PPP2R2B: variants seen among roughly 807,000 people sequenced by gnomAD.
The protein encoded by PPP2R2B is protein phosphatase 2 regulatory subunit Bbeta.
PPP2R2B carries 5 observed loss-of-function variants against 46.0 expected under a neutral mutation model. The ratio of observed to expected loss-of-function variants is 0.11; its 90% CI spans 0.06 to 0.23. PPP2R2B has a LOEUF of 0.23. Among genes scored for constraint, PPP2R2B ranks in the 10% least tolerant of loss-of-function variants. PPP2R2B has a pLI of 1.00. For synonymous variants in PPP2R2B, 215 were observed against 206.7 expected (o/e 1.04, Z -0.34); for missense variants, 367 against 575.0 (o/e 0.64, Z 3.70).
intron 2 of PPP2R2B, among the ~76,000 whole-genome samples, chr5:146,779,895 G>A (rs571744229): frequency 1.4e-4 from 21 of 152,254 alleles, no homozygotes; most frequent in African/African-American, 3.6e-4. Flanking sequence ...TGAAGCTGGG[G>A]ATGAAGGTGA....
At chr5:146,837,424 G>A (rs1759353167) in intron 2 of PPP2R2B, among the ~76,000 whole-genome samples, 1 of 152,208 alleles carries the variant, frequency 6.6e-6, no homozygotes. Context: ...CCTGTGGTAA[G>A]TTGAAGAGCA....
chr5:146,657,043 T>C (rs1295346565), intron 5 of PPP2R2B, among the ~76,000 whole-genome samples: 1 of 152,248 alleles, frequency 6.6e-6, no homozygotes, highest in African/African-American at 2.4e-5. Context: ...CCAGCGATTC[T>C]TCACAATCTT....
chr5:146,793,633 T>G (rs1006000757), intron 2 of PPP2R2B, among the ~76,000 whole-genome samples: 3 of 152,174 alleles, frequency 2.0e-5, no homozygotes, highest in African/African-American at 7.2e-5. Flanking sequence ...AAGACATAAA[T>G]AGCTGAGCTG....
At chr5:146,616,992 T>C (rs1407698803) in intron 7 of PPP2R2B, 1 of 152,252 alleles carries the variant, frequency 6.6e-6, no homozygotes, top group Non-Finnish European at 1.5e-5. Flanking sequence ...AACTGATGAA[T>C]GGATAAAGAA....
rs868792808 is a variant in PPP2R2B, at chr5:146,899,174, C to T, written c.79+156491G>A. 6.1e-5 allele frequency among the ~76,000 whole-genome samples: 9 copies of T among 146,822 alleles called. No individual in the cohort carries two copies. In the East Asian group the frequency reaches 6.2e-4, roughly 10 times the overall value. On this transcript the variant is annotated intron_variant, in intron 1 of 8. Transcript: ENST00000336640. ...ATGCTGCTATAAAGACACATGCACA[C>T]GTATGTTTATTGCAGCACTATTCAC...
chr5:146,822,655 C>T (rs1001550614), intron 2 of PPP2R2B, among the ~76,000 whole-genome samples: 1 of 150,582 alleles, frequency 6.6e-6, no homozygotes, highest in Non-Finnish European at 1.5e-5. Context: ...TACCATTTAT[C>T]AACATATAAA....
intron 1 of PPP2R2B, among the ~76,000 whole-genome samples, chr5:147,023,139 G>A (rs1240090688): frequency 3.9e-5 from 6 of 152,106 alleles, no homozygotes; most frequent in African/African-American, 1.2e-4. Flanking sequence ...TATATCATGT[G>A]TAGAAATAAT....
At chr5:146,738,459 G>A (rs556851433) in intron 2 of PPP2R2B, among the ~76,000 whole-genome samples, 25 of 150,988 alleles carry the variant, frequency 1.7e-4, no homozygotes, top group Non-Finnish European at 3.1e-4. Flanking sequence ...GACTTTAAAC[G>A]TCATCTTATT....
intron 2 of PPP2R2B, among the ~76,000 whole-genome samples, chr5:146,836,033 T>C (rs1170383388): frequency 1.3e-5 from 2 of 152,188 alleles, no homozygotes; most frequent in African/African-American, 4.8e-5. Flanking sequence ...TTGTTGGTGA[T>C]ATATATATGT....
intron 7 of PPP2R2B, among the ~76,000 whole-genome samples, chr5:146,604,543 T>G (rs1211617676): frequency 6.6e-6 from 1 of 152,128 alleles, no homozygotes; most frequent in East Asian, 1.9e-4. Context: ...AGAAACCTGA[T>G]AGCCCAGTCC....
intron 1 of PPP2R2B, among the ~76,000 whole-genome samples, chr5:147,041,703 G>A (rs1429937273): frequency 6.6e-6 from 1 of 152,074 alleles, no homozygotes; most frequent in Non-Finnish European, 1.5e-5. Context: ...CTTTAGGGGG[G>A]CTGTAAGTCC....
chr5:146,816,273 C>A (rs890844795), intron 2 of PPP2R2B, among the ~76,000 whole-genome samples: 15 of 152,092 alleles, frequency 9.9e-5, no homozygotes, highest in African/African-American at 3.6e-4. Flanking sequence ...GGCATGGCAG[C>A]ACAAGCCTGT....
intron 1 of PPP2R2B, among the ~76,000 whole-genome samples, chr5:146,929,203 T>C (rs1299489607): frequency 6.6e-6 from 1 of 152,188 alleles, no homozygotes; most frequent in Non-Finnish European, 1.5e-5. Context: ...TTTCACAGCA[T>C]ATTACTTTCT....
upstream of PPP2R2B, among the ~76,000 whole-genome samples, chr5:147,060,872 G>C (rs1291962385): frequency 6.6e-6 from 1 of 152,160 alleles, no homozygotes. Flanking sequence ...TGAATTCTGA[G>C]ATCAAAGTTT....
At chr5:146,832,879 G>T (rs989913800) in intron 2 of PPP2R2B, among the ~76,000 whole-genome samples, 1 of 151,928 alleles carries the variant, frequency 6.6e-6, no homozygotes, top group Non-Finnish European at 1.5e-5. Context: ...CCAGGTTTGT[G>T]TAAGTACACT....
At chr5:147,032,024 TA>T (rs1263937115) in intron 1 of PPP2R2B, among the ~76,000 whole-genome samples, 3 of 152,070 alleles carry the variant, frequency 2.0e-5, no homozygotes, top group Non-Finnish European at 4.4e-5. Flanking sequence ...GCAAATGCAA[TA>T]AAAACAAAGA....
chr5:146,810,805 T>C (rs959893744), intron 2 of PPP2R2B, among the ~76,000 whole-genome samples: 2 of 152,014 alleles, frequency 1.3e-5, no homozygotes, highest in African/African-American at 2.4e-5. Context: ...ACATGTGCCA[T>C]GTTGGTGTGC....
At chr5:147,081,482 C>T (rs972433781), upstream of PPP2R2B, 17 of 599,670 alleles carry the variant, frequency 2.8e-5, no homozygotes, top group South Asian at 4.1e-5. Context: ...GCCCTTTTCA[C>T]GGGAATACTA....
intron 1 of PPP2R2B, among the ~76,000 whole-genome samples, chr5:146,941,805 A>G (rs1561532472): frequency 6.6e-6 from 1 of 152,226 alleles, no homozygotes; most frequent in Non-Finnish European, 1.5e-5. Context: ...TAGGGCTGCC[A>G]TAACAAAGTC....
Sources: gnomAD v4.1 joint callset for allele counts (sites outside exome capture counted in the v4.1 genomes callset) on GRCh38, gnomAD v4.1.1 for gene constraint, MANE v1.5 for transcripts, NCBI Gene and HGNC (gene_info 2026-07-23, HGNC 2026-07-21) for gene names.